Variants in ITGB2 observed in about 807,000 individuals in gnomAD.
The protein encoded by ITGB2 is integrin subunit beta 2, also known as integrin beta-2.
ITGB2 carries 56 observed loss-of-function variants against 86.8 expected under a neutral mutation model. The observed-to-expected ratio is 0.65, with a 90% CI of 0.52 to 0.81. ITGB2 has a LOEUF of 0.81. ITGB2 is among the 30% of genes least tolerant of loss of function. ITGB2 has a pLI of 0.00. For missense variants in ITGB2, 948 were observed against 1,061.2 expected (o/e 0.89, Z 1.48); for synonymous variants, 457 against 450.4 (o/e 1.01, Z -0.19).
chr21:44,886,963 C>T, intron 14 of ITGB2, 61 bp from the exon 15 acceptor site: 1 of 1,597,776 alleles, frequency 6.3e-7, no homozygotes, highest in African/African-American at 1.3e-5. Context: ...GCCGTGTGCC[C>T]ACAGGTCCGA....
At chr21:44,891,191 G>T (rs1223978780) in intron 11 of ITGB2, among the ~76,000 whole-genome samples, 1 of 152,228 alleles carries the variant, frequency 6.6e-6, no homozygotes, top group African/African-American at 2.4e-5. Context: ...AGGCCGCCTG[G>T]CTGAGTGCCA....
chr21:44,910,675 C>T (rs780935439), intron 2 of ITGB2, 50 bp downstream of exon 2: 18 of 1,594,654 alleles, frequency 1.1e-5, no homozygotes, highest in African/African-American at 2.7e-5. Flanking sequence ...CCTGTTCTCC[C>T]TGATTGGAAT....
intron 8 of ITGB2, among the ~76,000 whole-genome samples, chr21:44,896,065 A>C (rs568031075): frequency 1.3e-5 from 2 of 149,974 alleles, no homozygotes; most frequent in South Asian, 2.1e-4. Flanking sequence ...GGTGTGAGTG[A>C]TCCCGCCTGC....
At chr21:44,898,814 T>C (rs2083905124) in intron 8 of ITGB2, among the ~76,000 whole-genome samples, 2 of 152,222 alleles carry the variant, frequency 1.3e-5, no homozygotes, top group Admixed American at 1.3e-4. Flanking sequence ...ATATCACCAA[T>C]GCCAAGACAT....
chr21:44,897,828 G>A (rs1601297358), intron 8 of ITGB2, among the ~76,000 whole-genome samples: 1 of 152,220 alleles, frequency 6.6e-6, no homozygotes, highest in East Asian at 1.9e-4. Context: ...CAGTCCTTCT[G>A]TCCCTGTGGC....
At chr21:44,920,363 G>A (rs1288234919) in intron 1 of ITGB2, among the ~76,000 whole-genome samples, 1 of 152,108 alleles carries the variant, frequency 6.6e-6, no homozygotes, top group Non-Finnish European at 1.5e-5. Context: ...CACACACTGC[G>A]AGTCGATCTG....
intron 15 of ITGB2, 115 bp from the exon 16 acceptor site, chr21:44,886,545 G>A: frequency 2.1e-6 from 3 of 1,411,260 alleles, no homozygotes; most frequent in Middle Eastern, 1.8e-4. Flanking sequence ...AGCTAGACGT[G>A]GGGCAGCCCC....
At chr21:44,890,245 G>A (rs1266664091) in intron 11 of ITGB2, 23 bp from the exon 12 acceptor site, 4 of 1,612,510 alleles carry the variant, frequency 2.5e-6, no homozygotes, top group East Asian at 2.2e-5. Context: ...GGGGCCCCAA[G>A]GTCAGGCTCC....
chr21:44,912,480 C>A (rs961070926), intron 1 of ITGB2, among the ~76,000 whole-genome samples: 1 of 152,224 alleles, frequency 6.6e-6, no homozygotes, highest in African/African-American at 2.4e-5. Context: ...TGGTTCCCAG[C>A]AAAATTATAA....
intron 12 of ITGB2, 39 bp downstream of exon 12, chr21:44,889,939 G>T (rs777553794): frequency 1.9e-6 from 3 of 1,610,950 alleles, no homozygotes; most frequent in Non-Finnish European, 2.5e-6. Context: ...AGTCTGTGCC[G>T]CAGGACGGCC....
At chr21:44,887,875 T>C (rs2083722047) in intron 14 of ITGB2, among the ~76,000 whole-genome samples, 1 of 152,128 alleles carries the variant, frequency 6.6e-6, no homozygotes, top group Non-Finnish European at 1.5e-5. Flanking sequence ...CTGCCTCGGG[T>C]CCCTTCCTGG....
intron 1 of ITGB2, among the ~76,000 whole-genome samples, chr21:44,913,950 C>T (rs1601327477): frequency 6.6e-6 from 1 of 152,134 alleles, no homozygotes; most frequent in African/African-American, 2.4e-5. Context: ...GAGGCTAAGC[C>T]GGCAGAGCTG....
chr21:44,905,241 C>T (rs903967589), intron 4 of ITGB2, among the ~76,000 whole-genome samples: 19 of 152,128 alleles, frequency 1.2e-4, no homozygotes, highest in Non-Finnish European at 1.8e-4. Flanking sequence ...CAGATCCTGC[C>T]GCCCTGCTCT....
rs147601498 is a variant in ITGB2, at chr21:44,895,615, G to A, written c.994-555C>T. On this transcript the variant is annotated intron_variant, in intron 8 of 15. Transcript: ENST00000652462. ...CCAGCACTTTGGGAGGCCAAAGTGG[G>A]TGGATCACTGAGGTCAGGAGTTTGA... 4.4e-3 allele frequency among the ~76,000 whole-genome samples: 676 copies of A among 152,080 alleles called. 2 individuals are homozygous for A. Among genetic ancestry groups the A allele is most frequent in the African/African-American group, 0.014 (582 of 41,500 alleles).
chr21:44,895,166 C>A (rs576391013), intron 8 of ITGB2, 106 bp from the exon 9 acceptor site: 3 of 817,376 alleles, frequency 3.7e-6, no homozygotes, highest in Admixed American at 1.8e-5. Context: ...ATGGCTGGGA[C>A]GGTCCTCAAC....
rs571478898 is a variant in ITGB2, at chr21:44,915,484, C to A, written c.-3-4699G>T. 1.1e-4 allele frequency among the ~76,000 whole-genome samples: 17 copies of A among 152,314 alleles called. No individual in the cohort carries two copies. In the East Asian group the frequency reaches 3.3e-3, roughly 29 times the overall value. On this transcript the variant is annotated intron_variant, in intron 1 of 15. Coordinates refer to ENST00000652462, the MANE Select transcript of ITGB2 (RefSeq NM_000211.5). ...AGGAGAGGCACTCGCATCAAAGTGA[C>A]TCGGAGGTGCGCGGGAAGTGATGGA...
intron 11 of ITGB2, 62 bp downstream of exon 11, chr21:44,891,747 C>G (rs539383174): frequency 1.0e-5 from 16 of 1,575,510 alleles, no homozygotes; most frequent in African/African-American, 4.0e-5. Flanking sequence ...CCTCACCTGC[C>G]GACACCTGCC....
At chr21:44,918,322 G>C (rs1219385139) in intron 1 of ITGB2, among the ~76,000 whole-genome samples, 1 of 152,258 alleles carries the variant, frequency 6.6e-6, no homozygotes, top group Non-Finnish European at 1.5e-5. Context: ...CTGTTCCATG[G>C]AATCGCCACA....
At chr21:44,914,123 C>G (rs547202928) in intron 1 of ITGB2, 4 of 152,624 alleles carry the variant, frequency 2.6e-5, no homozygotes, top group African/African-American at 9.7e-5. Context: ...CTGCCCCACA[C>G]CAGGGGCGGG....
Sources: gnomAD v4.1 joint callset for allele counts (sites outside exome capture counted in the v4.1 genomes callset) on GRCh38, gnomAD v4.1.1 for gene constraint, MANE v1.5 for transcripts, NCBI Gene and HGNC (gene_info 2026-07-23, HGNC 2026-07-21) for gene names.